The following CTNNA2 variants were observed in gnomAD, a reference collection of about 807,000 sequenced individuals.
CTNNA2 encodes catenin alpha 2.
CTNNA2 carries 42 observed loss-of-function variants against 101.0 expected under a neutral mutation model. The observed-to-expected ratio is 0.42, with a 90% confidence interval of 0.32 to 0.54. The LOEUF (loss-of-function observed/expected upper bound fraction) is 0.54, where lower values mean the gene tolerates loss of function less well. Among genes scored for constraint, CTNNA2 ranks in the 20% least tolerant of loss-of-function variants. CTNNA2 has a pLI of 0.14. For synonymous variants in CTNNA2, 450 were observed against 456.4 expected (o/e 0.99, Z 0.18); for missense variants, 871 against 1,223.1 (o/e 0.71, Z 4.29).
chr2:80,237,298 T>G (rs935582947), intron 7 of CTNNA2, among the ~76,000 whole-genome samples: 2 of 152,240 alleles, frequency 1.3e-5, no homozygotes, highest in African/African-American at 4.8e-5. Context: ...ATAATGTGTT[T>G]GTTCAAAATA....
At chr2:80,212,595 T>C (rs549524926) in intron 7 of CTNNA2, among the ~76,000 whole-genome samples, 2 of 152,318 alleles carry the variant, frequency 1.3e-5, no homozygotes, top group East Asian at 3.9e-4. Flanking sequence ...ATAAACTTTT[T>C]GATGTGCTGC....
chr2:79,869,758 T>C, intron 4 of CTNNA2, 58 bp from the exon 5 acceptor site: 1 of 1,571,104 alleles, frequency 6.4e-7, no homozygotes. Context: ...ATTTCTAACA[T>C]GTTGAATAAT....
intron 7 of CTNNA2, among the ~76,000 whole-genome samples, chr2:79,994,404 T>TC (rs1384118545): frequency 2.6e-5 from 4 of 152,100 alleles, no homozygotes; most frequent in African/African-American, 9.7e-5. Context: ...TTTCCTCTTT[T>TC]CCCCCAGCTC....
intron 2 of CTNNA2, among the ~76,000 whole-genome samples, chr2:79,299,415 ACT>A (rs1676056608): frequency 6.6e-6 from 1 of 152,146 alleles, no homozygotes; most frequent in Non-Finnish European, 1.5e-5. Context: ...AGTTAAGAAA[ACT>A]CTGATTAAGT....
chr2:79,988,466 A>ATGTGTG (rs70940067), intron 7 of CTNNA2, among the ~76,000 whole-genome samples: 19,457 of 148,922 alleles, frequency 0.13, 1,279 homozygotes, highest in African/African-American at 0.17. Context: ...GTGTATGTGT[A>ATGTGTG]TGTGTGTGTG....
At chr2:79,936,441 C>G (rs191324904) in intron 7 of CTNNA2, among the ~76,000 whole-genome samples, 1 of 152,088 alleles carries the variant, frequency 6.6e-6, no homozygotes, top group African/African-American at 2.4e-5. Context: ...GAGTTACAGA[C>G]AACCCGACCC....
chr2:80,142,315 G>C (rs2862019), intron 7 of CTNNA2, among the ~76,000 whole-genome samples: 18 of 152,038 alleles, frequency 1.2e-4, no homozygotes, highest in African/African-American at 4.3e-4. Flanking sequence ...ACCTCTTCTT[G>C]CTTGGTGCCT....
intron 7 of CTNNA2, among the ~76,000 whole-genome samples, chr2:80,042,335 G>T (rs1021899699): frequency 6.6e-6 from 1 of 152,136 alleles, no homozygotes; most frequent in Admixed American, 6.6e-5. Flanking sequence ...TTAATGATCT[G>T]GTGCGGAATG....
intron 7 of CTNNA2, among the ~76,000 whole-genome samples, chr2:80,025,888 A>G (rs568151394): frequency 1.6e-4 from 25 of 152,314 alleles, no homozygotes; most frequent in South Asian, 1.5e-3. Context: ...GGTGCTCGAG[A>G]AACAGCAACA....
intron 3 of CTNNA2, among the ~76,000 whole-genome samples, chr2:79,763,768 A>G (rs150427606): frequency 9.8e-5 from 15 of 152,332 alleles, no homozygotes; most frequent in African/African-American, 3.6e-4. Context: ...TCTAAAGATG[A>G]GGAATGTAAC....
At chr2:79,784,418 C>T (rs538484675) in intron 3 of CTNNA2, among the ~76,000 whole-genome samples, 1 of 151,420 alleles carries the variant, frequency 6.6e-6, no homozygotes, top group South Asian at 2.1e-4. Flanking sequence ...CCTGGTGACT[C>T]TTGCATTTGA....
At chr2:80,099,320 G>A (rs183919926) in intron 7 of CTNNA2, among the ~76,000 whole-genome samples, 1 of 152,196 alleles carries the variant, frequency 6.6e-6, no homozygotes, top group African/African-American at 2.4e-5. Context: ...ATCTTGGGTT[G>A]CATTAATAAG....
intron 4 of CTNNA2, among the ~76,000 whole-genome samples, chr2:79,421,799 G>A (rs1463039866): frequency 1.3e-5 from 2 of 152,080 alleles, no homozygotes; most frequent in African/African-American, 4.8e-5. Flanking sequence ...AGGATGTTAG[G>A]AGAACACTAA....
intron 7 of CTNNA2, among the ~76,000 whole-genome samples, chr2:80,311,061 G>A (rs1054631363): frequency 2.6e-5 from 4 of 151,722 alleles, no homozygotes; most frequent in African/African-American, 9.7e-5. Context: ...AATCACCAGA[G>A]ATGAACTATT....
chr2:80,509,127 C>A (rs879264042), intron 9 of CTNNA2, among the ~76,000 whole-genome samples: 1 of 152,154 alleles, frequency 6.6e-6, no homozygotes, highest in African/African-American at 2.4e-5. Context: ...TAACCCCTCA[C>A]GTGGGTATAA....
chr2:79,857,966 T>C (rs762447549), intron 3 of CTNNA2, 47 bp from the exon 4 acceptor site: 1 of 1,583,272 alleles, frequency 6.3e-7, no homozygotes, highest in African/African-American at 1.3e-5. Flanking sequence ...ATGGCCAGTC[T>C]CTAAGCCTCT....
At chr2:79,528,720 T>TA in intron 1 of CTNNA2, among the ~76,000 whole-genome samples, 1 of 152,190 alleles carries the variant, frequency 6.6e-6, no homozygotes, top group Non-Finnish European at 1.5e-5. Flanking sequence ...TAGAGTACAA[T>TA]TGTACTATGT....
At chr2:79,854,465 G>A (rs1574139192) in intron 3 of CTNNA2, among the ~76,000 whole-genome samples, 2 of 152,314 alleles carry the variant, frequency 1.3e-5, no homozygotes, top group African/African-American at 4.8e-5. Flanking sequence ...TACAAAGGTT[G>A]AATAAGCACT....
At chr2:79,781,958 T>G (rs1674478092) in intron 3 of CTNNA2, among the ~76,000 whole-genome samples, 1 of 123,662 alleles carries the variant, frequency 8.1e-6, no homozygotes, top group Non-Finnish European at 1.7e-5. Context: ...AATCTAAAAA[T>G]AATCAGAACT....
Sources: gnomAD v4.1 joint callset for allele counts (sites outside exome capture counted in the v4.1 genomes callset) on GRCh38, gnomAD v4.1.1 for gene constraint, MANE v1.5 for transcripts, NCBI Gene and HGNC (gene_info 2026-07-23, HGNC 2026-07-21) for gene names.